Variants in AP2B1 observed in about 807,000 individuals in gnomAD.
The protein encoded by AP2B1 is AP-2 complex subunit beta.
In AP2B1, 23 loss-of-function variants were observed where a neutral mutation model predicts 102.0. The ratio of observed to expected loss-of-function variants is 0.23; its 90% CI spans 0.16 to 0.32. AP2B1 has a LOEUF of 0.32. AP2B1 is among the 10% of genes least tolerant of loss of function. The probability of loss-of-function intolerance (pLI) is 1.00; values close to 1 mark genes in which losing one functional copy is unlikely to be tolerated. For synonymous variants in AP2B1, 381 were observed against 421.2 expected (o/e 0.90, Z 1.17); for missense variants, 541 against 1,157.4 (o/e 0.47, Z 7.73).
At chr17:35,594,602 A>G (rs1034361761) in intron 2 of AP2B1, among the ~76,000 whole-genome samples, 2 of 152,208 alleles carry the variant, frequency 1.3e-5, no homozygotes, top group African/African-American at 2.4e-5. Context: ...TGAAAAAGCA[A>G]TCTTGCAAAA....
At chr17:35,605,150 A>C (rs1262245423) in intron 3 of AP2B1, among the ~76,000 whole-genome samples, 1 of 151,906 alleles carries the variant, frequency 6.6e-6, no homozygotes, top group Non-Finnish European at 1.5e-5. Flanking sequence ...GTGAATCCTT[A>C]CACCCCAGCC....
intron 18 of AP2B1, among the ~76,000 whole-genome samples, chr17:35,688,996 A>G (rs2075990247): frequency 6.6e-6 from 1 of 152,154 alleles, no homozygotes; most frequent in Non-Finnish European, 1.5e-5. Flanking sequence ...ACACTTTTTT[A>G]TGAAACATTT....
At chr17:35,691,068 A>C (rs1011969679) in intron 18 of AP2B1, among the ~76,000 whole-genome samples, 1 of 152,158 alleles carries the variant, frequency 6.6e-6, no homozygotes, top group Non-Finnish European at 1.5e-5. Flanking sequence ...ATTAGAGAAA[A>C]GAAATAGACA....
intron 21 of AP2B1, among the ~76,000 whole-genome samples, chr17:35,721,596 C>T (rs1277034317): frequency 3.9e-5 from 6 of 152,186 alleles, no homozygotes; most frequent in African/African-American, 1.4e-4. Context: ...CAAAGACCAG[C>T]GGTAATGCCC....
At chr17:35,692,548 A>G (rs1209889267) in intron 18 of AP2B1, among the ~76,000 whole-genome samples, 3 of 152,206 alleles carry the variant, frequency 2.0e-5, no homozygotes, top group African/African-American at 7.2e-5. Flanking sequence ...TTGAAATTAC[A>G]GAGAACTCAC....
intron 18 of AP2B1, among the ~76,000 whole-genome samples, chr17:35,703,435 C>T (rs7221096): frequency 0.5 from 75,659 of 151,896 alleles, 18,934 homozygotes; most frequent in East Asian, 0.52. Context: ...AACCTAAATG[C>T]CCATCAGTGA....
chr17:35,674,095 A>G, intron 16 of AP2B1, 81 bp from the exon 17 acceptor site: 3 of 1,395,846 alleles, frequency 2.1e-6, no homozygotes, highest in Non-Finnish European at 2.0e-6. Context: ...GTTAATCTTA[A>G]TTTGTTTTTT....
chr17:35,616,118 G>T lies in AP2B1; in HGVS notation c.525+7731G>T, dbSNP rs540496548. 3.2e-5 allele frequency among the ~76,000 whole-genome samples: 4 copies of T among 124,068 alleles called. No homozygotes were observed. In the East Asian group the frequency reaches 9.6e-4, roughly 30 times the overall value. The allele number at this position is 124,068 out of a possible 152,430, so 81.4% of individuals were successfully genotyped here. A position where few individuals can be genotyped will look rare whatever the true frequency, so the allele number is the denominator to read the frequency against. Reference sequence around the variant, plus strand: ...TCATTACGTCGTTTTATATTATTATGAACTTAGGTTTTAAAAAATATCTCT... The same window carrying T: ...TCATTACGTCGTTTTATATTATTATTAACTTAGGTTTTAAAAAATATCTCT... On this transcript the variant is annotated intron_variant, in intron 5 of 21. Coordinates refer to ENST00000610402, the MANE Select transcript of AP2B1 (RefSeq NM_001030006.2).
At chr17:35,701,144 C>T (rs903369190) in intron 18 of AP2B1, among the ~76,000 whole-genome samples, 1 of 140,478 alleles carries the variant, frequency 7.1e-6, no homozygotes, top group African/African-American at 2.7e-5. Context: ...CTGCAACTTA[C>T]AGTAAGAAAT....
At chr17:35,688,053 C>T (rs932175473) in intron 18 of AP2B1, among the ~76,000 whole-genome samples, 14 of 152,192 alleles carry the variant, frequency 9.2e-5, no homozygotes, top group African/African-American at 2.9e-4. Flanking sequence ...AAAGTCTCTT[C>T]TAGACTGATT....
chr17:35,638,754 A>C (rs979383291), intron 10 of AP2B1, among the ~76,000 whole-genome samples: 2 of 148,268 alleles, frequency 1.3e-5, no homozygotes, highest in Non-Finnish European at 1.5e-5. Context: ...GTGCCACTGC[A>C]CTCCAGCCTG....
At chr17:35,653,258 A>C (rs1287000338) in intron 13 of AP2B1, among the ~76,000 whole-genome samples, 2 of 152,196 alleles carry the variant, frequency 1.3e-5, no homozygotes. Flanking sequence ...TTATCACTGA[A>C]GAAATTTTGT....
chr17:35,698,218 G>A (rs2076177435), intron 18 of AP2B1, among the ~76,000 whole-genome samples: 1 of 152,158 alleles, frequency 6.6e-6, no homozygotes, highest in Non-Finnish European at 1.5e-5. Context: ...TTCAACTTTG[G>A]AAATGAATTT....
intron 18 of AP2B1, among the ~76,000 whole-genome samples, chr17:35,708,222 A>G (rs1555585745): frequency 6.6e-6 from 1 of 152,190 alleles, no homozygotes; most frequent in Non-Finnish European, 1.5e-5. Context: ...TGATCATAGA[A>G]CTTGCTCAGA....
chr17:35,600,591 T>C (rs1049435283), intron 3 of AP2B1, among the ~76,000 whole-genome samples: 5 of 152,222 alleles, frequency 3.3e-5, no homozygotes, highest in African/African-American at 9.7e-5. Flanking sequence ...CTAGCTGTTT[T>C]TATTTCAAGT....
At position 35,726,109 on chromosome 17, in the gene AP2B1, C is replaced by CA. The variant is rs1467465275; in HGVS notation, c.*2410_*2411insA. The stretch of plus-strand genomic sequence containing the variant: ...GGATGGAGGTTGCCCTGCATCCCCC[C>CA]TCCTCTGCCTGAGTGTGTCTTTGTA... On this transcript the variant is annotated 3_prime_UTR_variant, in exon 22 of 22. Transcript: ENST00000610402. The CA allele has an allele frequency of 6.6e-6, 1 of 152,216 alleles. No individual in the cohort carries two copies. The highest frequency in any genetic ancestry group is 2.4e-5 in the African/African-American group (1 of 41,452). The allele number at this position is 152,216 out of a possible 1,614,324, so 9.4% of individuals were successfully genotyped here. A position where few individuals can be genotyped will look rare whatever the true frequency, so the allele number is the denominator to read the frequency against.
intron 5 of AP2B1, among the ~76,000 whole-genome samples, chr17:35,608,803 T>G (rs2073770854): frequency 6.6e-6 from 1 of 152,224 alleles, no homozygotes; most frequent in Non-Finnish European, 1.5e-5. Flanking sequence ...CATTTCTCTA[T>G]AGGGGAATTT....
intron 3 of AP2B1, 58 bp downstream of exon 3, chr17:35,598,393 C>T (rs2073362230): frequency 9.8e-7 from 1 of 1,019,650 alleles, no homozygotes; most frequent in South Asian, 1.9e-5. Flanking sequence ...CATCTTATGG[C>T]CTTTACTGCT....
intron 14 of AP2B1, among the ~76,000 whole-genome samples, chr17:35,659,077 C>T (rs191510931): frequency 1.3e-5 from 2 of 152,278 alleles, no homozygotes; most frequent in Non-Finnish European, 2.9e-5. Flanking sequence ...TGAATAGCTT[C>T]CTCATATGAT....
Sources: allele counts gnomAD v4.1 joint callset (sites outside exome capture counted in the v4.1 genomes callset), GRCh38; gene constraint gnomAD v4.1.1; transcripts MANE v1.5; gene names NCBI Gene and HGNC (gene_info 2026-07-23, HGNC 2026-07-21).